Variants in BACH2 observed in about 807,000 individuals in gnomAD.
BACH2 encodes the protein BACH transcriptional regulator 2, also known as transcription regulator protein BACH2.
Under a neutral mutation model 61.8 loss-of-function variants are expected in BACH2, and 5 were observed. The observed-to-expected ratio is 0.08, with a 90% CI of 0.04 to 0.17. The LOEUF is 0.17. Among genes scored for constraint, BACH2 ranks in the 10% least tolerant of loss-of-function variants. The pLI is 1.00. For missense variants in BACH2, 824 were observed against 1,091.1 expected, an observed-to-expected ratio of 0.76 and a Z score of 3.45; for synonymous variants, 446 against 440.1, an observed-to-expected ratio of 1.01 and a Z score of -0.17.
intron 1 of BACH2, among the ~76,000 whole-genome samples, chr6:90,280,525 T>A (rs1771827490): frequency 6.6e-6 from 1 of 152,160 alleles, no homozygotes; most frequent in South Asian, 2.1e-4. Context: ...AACATACAGT[T>A]TATTCTATAA....
intron 6 of BACH2, among the ~76,000 whole-genome samples, chr6:90,005,477 T>A (rs62408186): frequency 0.011 from 1,652 of 152,360 alleles, 12 homozygotes; most frequent in Middle Eastern, 0.034. Flanking sequence ...AGCTACTTTC[T>A]AAGGTAGTAT....
chr6:90,022,737 A>G (rs1778442611), intron 5 of BACH2, among the ~76,000 whole-genome samples: 1 of 152,246 alleles, frequency 6.6e-6, no homozygotes, highest in Non-Finnish European at 1.5e-5. Flanking sequence ...CCACTAACCT[A>G]GAAACAATAA....
intron 7 of BACH2, among the ~76,000 whole-genome samples, chr6:89,940,624 G>A (rs1343937290): frequency 6.6e-6 from 1 of 152,204 alleles, no homozygotes; most frequent in African/African-American, 2.4e-5. Context: ...TGCTCCGGAT[G>A]AGCCAGCAGA....
rs1252401700 is a variant in BACH2 at position 89,993,816 on chromosome 6, G to T, written c.243+14786C>A. On this transcript the variant is annotated intron_variant, in intron 6 of 8. Coordinates refer to ENST00000257749, the MANE Select transcript of BACH2 (RefSeq NM_021813.4). The stretch of plus-strand genomic sequence containing the variant: ...GGTGACTTTATGTTTTTTTTTTTTT[G>T]AATTTTTTTTCTATATTTCATACTT... Among the ~76,000 whole-genome samples, 747 of 146,478 alleles carry T rather than the reference G, an allele frequency of 5.1e-3. 5 individuals carry two copies. The highest frequency in any genetic ancestry group is 0.018 in the African/African-American group (702 of 39,996).
intron 3 of BACH2, among the ~76,000 whole-genome samples, chr6:90,232,819 C>G (rs1476498460): frequency 2.0e-5 from 3 of 152,220 alleles, no homozygotes; most frequent in Non-Finnish European, 4.4e-5. Context: ...TATGGCCTGT[C>G]TCTAAGAAGT....
intron 3 of BACH2, among the ~76,000 whole-genome samples, chr6:90,212,254 C>A (rs1769380282): frequency 6.6e-6 from 1 of 152,144 alleles, no homozygotes; most frequent in South Asian, 2.1e-4. Flanking sequence ...CCATAGGGGG[C>A]ATGGTGCTGG....
intron 4 of BACH2, among the ~76,000 whole-genome samples, chr6:90,102,787 T>C (rs988578217): frequency 1.7e-5 from 2 of 114,710 alleles, no homozygotes; most frequent in Admixed American, 2.1e-4. Flanking sequence ...CGAAACTCCA[T>C]TTCAAATAAT....
chr6:90,080,841 C>T (rs536680943), intron 5 of BACH2: 16 of 902,808 alleles, frequency 1.8e-5, no homozygotes, highest in Middle Eastern at 5.6e-4. Flanking sequence ...GAGCTAACAC[C>T]GTCTTCATGC....
At chr6:90,195,975 A>T (rs1562498385) in intron 4 of BACH2, among the ~76,000 whole-genome samples, 1 of 152,230 alleles carries the variant, frequency 6.6e-6, no homozygotes, top group Non-Finnish European at 1.5e-5. Flanking sequence ...CTGTGTCAAC[A>T]TTTAACTTAT....
rs74429884 is a variant in BACH2, at chr6:90,221,192, T to G, written c.-274-14511A>C. Among the ~76,000 whole-genome samples the G allele has an allele frequency of 5.2e-3, 799 of 152,336 alleles. 6 individuals are homozygous for G. Among genetic ancestry groups the G allele is most frequent in the African/African-American group, 0.018 (763 of 41,576 alleles). The stretch of plus-strand genomic sequence containing the variant: ...TTATATGAAATCCCTATAAGCAAGA[T>G]AGGTAAAAAGCAGTAATTTATACTG... On this transcript the variant is annotated intron_variant, in intron 3 of 8. Transcript: ENST00000257749.
At chr6:90,009,493 A>G (rs1777592811) in intron 5 of BACH2, among the ~76,000 whole-genome samples, 1 of 152,260 alleles carries the variant, frequency 6.6e-6, no homozygotes, top group South Asian at 2.1e-4. Context: ...ATAGTTGCTC[A>G]GCTCTTAGAA....
intron 4 of BACH2, among the ~76,000 whole-genome samples, chr6:90,188,901 CA>C (rs1319014715): frequency 1.3e-5 from 2 of 151,902 alleles, no homozygotes; most frequent in African/African-American, 4.8e-5. Flanking sequence ...ATTGTGGGCT[CA>C]CCCTGGAGAA....
rs949219227 is a variant in BACH2 at position 89,928,811 on chromosome 6, G to A, written c.*3597C>T. 2 of 152,142 alleles carry A rather than the reference G, an allele frequency of 1.3e-5. No individual in the cohort carries two copies. The highest frequency in any genetic ancestry group is 2.9e-5 in the Non-Finnish European group (2 of 67,990). The allele number at this position is 152,142 out of a possible 1,614,324, so 9.4% of individuals were successfully genotyped here. On this transcript the variant is annotated 3_prime_UTR_variant, in exon 9 of 9. Transcript: ENST00000257749. ...CTGCAGCATCATCTCTGATGCCTGA[G>A]TCATTGCTGGGAACTCAGAAGATAA... is the stretch of plus-strand genomic sequence containing the variant.
chr6:90,286,762 T>A (rs1287477412), intron 1 of BACH2, among the ~76,000 whole-genome samples: 1 of 151,964 alleles, frequency 6.6e-6, no homozygotes, highest in Admixed American at 6.6e-5. Context: ...TACTTTGGCA[T>A]AAAGTATTGT....
In BACH2 at chr6:89,951,710, C is replaced by G; in HGVS notation, c.396G>C (p.Gln132His). 6.2e-7 allele frequency: 1 copy of G among 1,614,252 alleles called. No individual in the cohort carries two copies. The highest frequency in any genetic ancestry group is 8.5e-7 in the Non-Finnish European group (1 of 1,180,058). Residue 132 changes from glutamine (Q) to histidine (H), a missense_variant, in exon 7 of 9, where the codon CAG (glutamine) becomes CAC (histidine). Transcript: ENST00000257749. This position sits in a 1 kb window ranked among gnomAD's most constrained non-coding sequence, Gnocchi z 6.4. Reference protein sequence around the residue: ...EDSCFSFLQTQLLNSEDGLFV... With the variant: ...EDSCFSFLQTHLLNSEDGLFV... ...ACAGGCCATCCTCACTGTTCAGGAG[C>G]TGGGTCTGCAGGAAGCTGAAGCAGG...
At chr6:90,283,309 T>C (rs2127887809) in intron 1 of BACH2, among the ~76,000 whole-genome samples, 1 of 152,318 alleles carries the variant, frequency 6.6e-6, no homozygotes, top group African/African-American at 2.4e-5. Flanking sequence ...TCTCCATAGT[T>C]ACCACTCAGT....
At chr6:90,012,384 C>G (rs1777770914) in intron 5 of BACH2, among the ~76,000 whole-genome samples, 1 of 151,964 alleles carries the variant, frequency 6.6e-6, no homozygotes, top group Admixed American at 6.6e-5. Flanking sequence ...AATCACAAGA[C>G]TTTGGGAGGC....
intron 1 of BACH2, among the ~76,000 whole-genome samples, chr6:90,274,214 T>A (rs867232582): frequency 6.6e-6 from 1 of 152,210 alleles, no homozygotes; most frequent in East Asian, 1.9e-4. Context: ...TCCAAGAACA[T>A]ACGTTGATTC....
In BACH2 at chr6:89,985,501, A is replaced by G. The variant is rs564133280; in HGVS notation, c.243+23101T>C. Among the ~76,000 whole-genome samples, 289 of 152,226 alleles carry G rather than the reference A, an allele frequency of 1.9e-3. 1 individual carries two copies. The highest frequency in any genetic ancestry group is 6.7e-3 in the African/African-American group (280 of 41,556). On this transcript the variant is annotated intron_variant, in intron 6 of 8. Coordinates refer to ENST00000257749, the MANE Select transcript of BACH2 (RefSeq NM_021813.4). The stretch of plus-strand genomic sequence containing the variant: ...ATTCTCACATTAACAATGCACAGAC[A>G]TCCGTCCATCCGGCACTCCTGGGTC...
Sources: allele counts gnomAD v4.1 joint callset (sites outside exome capture counted in the v4.1 genomes callset), GRCh38; gene constraint gnomAD v4.1.1; non-coding constraint Gnocchi (gnomAD v3.1); transcripts MANE v1.5; gene names NCBI Gene and HGNC (gene_info 2026-07-23, HGNC 2026-07-21).